Variants in LPP observed in about 807,000 individuals in gnomAD.
The protein encoded by LPP is lipoma-preferred partner.
A neutral mutation model predicts 60.4 loss-of-function variants in LPP; 38 were observed. That is an observed-to-expected ratio of 0.63 (90% CI 0.49 to 0.83). LPP has a LOEUF of 0.83. Among genes scored for constraint, LPP ranks in the 40% least tolerant of loss-of-function variants. The pLI, the probability that LPP is intolerant of heterozygous loss-of-function variation, is 0.00. For missense variants in LPP, 902 were observed against 783.6 expected (o/e 1.15, Z -1.80); for synonymous variants, 328 against 290.8 (o/e 1.13, Z -1.30).
At chr3:188,252,151 A>T (rs1729988851) in intron 2 of LPP, among the ~76,000 whole-genome samples, 1 of 116,046 alleles carries the variant, frequency 8.6e-6, no homozygotes, top group African/African-American at 3.1e-5. Flanking sequence ...AAAACCTGTA[A>T]TGCCCCTTCT....
At chr3:188,248,276 G>T (rs1380183160) in intron 2 of LPP, among the ~76,000 whole-genome samples, 1 of 151,592 alleles carries the variant, frequency 6.6e-6, no homozygotes, top group Non-Finnish European at 1.5e-5. Flanking sequence ...GCGTTTTTTT[G>T]CATTGGGACC....
chr3:188,547,821 G>T (rs1827067711), intron 6 of LPP, among the ~76,000 whole-genome samples: 1 of 152,140 alleles, frequency 6.6e-6, no homozygotes, highest in African/African-American at 2.4e-5. Context: ...GAAGTGTGAT[G>T]TATAAAATGG....
chr3:188,725,086 T>C (rs1044902648), intron 8 of LPP, among the ~76,000 whole-genome samples: 1 of 152,246 alleles, frequency 6.6e-6, no homozygotes, highest in African/African-American at 2.4e-5. Flanking sequence ...ATTAACTGAT[T>C]CTTCGACTTA....
At chr3:188,180,634 A>G (rs1012814192) in intron 1 of LPP, 3 of 154,294 alleles carry the variant, frequency 1.9e-5, no homozygotes, top group African/African-American at 4.8e-5. Context: ...ATAAATCACT[A>G]TTTAGACACA....
chr3:188,278,249 A>T (rs924344603), intron 2 of LPP, among the ~76,000 whole-genome samples: 3 of 152,218 alleles, frequency 2.0e-5, no homozygotes, highest in Non-Finnish European at 4.4e-5. Flanking sequence ...TTGTAATGGC[A>T]GGGTCAGACT....
At chr3:188,484,475 C>G in intron 4 of LPP, 117 bp from the exon 5 acceptor site, 1 of 681,178 alleles carries the variant, frequency 1.5e-6, no homozygotes, top group East Asian at 2.5e-5. Context: ...AATTGCTATA[C>G]AACACAAAAT....
intron 9 of LPP, among the ~76,000 whole-genome samples, chr3:188,828,188 C>T (rs1756094898): frequency 6.6e-6 from 1 of 151,778 alleles, no homozygotes; most frequent in African/African-American, 2.4e-5. Flanking sequence ...AAATAATTGG[C>T]AAATTATATA....
intron 2 of LPP, among the ~76,000 whole-genome samples, chr3:188,287,157 T>TC: frequency 6.6e-6 from 1 of 152,338 alleles, no homozygotes; most frequent in East Asian, 1.9e-4. Flanking sequence ...CACCTCGGCT[T>TC]CCCGAAGTGC....
intron 4 of LPP, among the ~76,000 whole-genome samples, chr3:188,422,913 T>TTGTGTGTGTGTGTGTGTGTGTG (rs10689970): frequency 7.5e-6 from 1 of 133,806 alleles, no homozygotes; most frequent in East Asian, 2.2e-4. Flanking sequence ...GGTGTCTTCT[T>TTGTGTGTGTGTGTGTGTGTGTG]TGTGTGTGTG....
At position 188,269,645 on chromosome 3, in the gene LPP, A is replaced by ATATGTGTGTGTGTGTG. The variant is rs748506984; in HGVS notation, c.-67+44119_-67+44120insATGTGTGTGTGTGTGT. Among the ~76,000 whole-genome samples the ATATGTGTGTGTGTGTG allele has an allele frequency of 6.0e-3, 813 of 136,492 alleles. 10 individuals carry two copies. Among genetic ancestry groups the ATATGTGTGTGTGTGTG allele is most frequent in the Non-Finnish European group, 8.6e-3 (556 of 64,568 alleles). 89.5% of individuals were successfully genotyped at this position (136,492 alleles called of 152,430 possible). A position where few individuals can be genotyped will look rare whatever the true frequency, so the allele number is the denominator to read the frequency against. On this transcript the variant is annotated intron_variant, in intron 2 of 11. Coordinates refer to ENST00000617246, the MANE Select transcript of LPP (RefSeq NM_001375462.1). Reference sequence around the variant, plus strand: ...GCTAGCTGGTTGTGCCTTTTTTTTTATGTGTGTGTGTGTGTGTGTGTGTGT... The same window carrying ATATGTGTGTGTGTGTG: ...GCTAGCTGGTTGTGCCTTTTTTTTTATATGTGTGTGTGTGTGTGTGTGTGTGTGTGTGTGTGTGTGT...
intron 7 of LPP, among the ~76,000 whole-genome samples, chr3:188,645,530 G>A (rs1850949029): frequency 6.6e-6 from 1 of 152,122 alleles, no homozygotes; most frequent in Non-Finnish European, 1.5e-5. Flanking sequence ...GTGAGGTGTG[G>A]TCTCGTGCAT....
chr3:188,180,734 A>G (rs1724703829), intron 1 of LPP: 1 of 151,742 alleles, frequency 6.6e-6, no homozygotes, highest in African/African-American at 2.4e-5. Flanking sequence ...ATATTACTAT[A>G]TAAACATTTT....
chr3:188,862,810 G>T (rs1303962524), intron 9 of LPP, among the ~76,000 whole-genome samples: 1 of 151,272 alleles, frequency 6.6e-6, no homozygotes, highest in African/African-American at 2.4e-5. Context: ...AGAAAAAAGT[G>T]ATTTGAATAG....
intron 6 of LPP, among the ~76,000 whole-genome samples, chr3:188,607,410 TATATATAA>T (rs1268329850): frequency 0.11 from 5,096 of 44,854 alleles, 318 homozygotes; most frequent in Non-Finnish European, 0.17. Context: ...TATATATATA[TATATATAA>T]TTTTTTTTTC....
chr3:188,308,896 A>ACTCCTT (rs1252497335), intron 2 of LPP, among the ~76,000 whole-genome samples: 1 of 76,158 alleles, frequency 1.3e-5, no homozygotes, highest in African/African-American at 5.3e-5. Context: ...TCCTTCTCCT[A>ACTCCTT]CTCCTTCTCC....
intron 7 of LPP, among the ~76,000 whole-genome samples, chr3:188,635,373 GT>G (rs1484360055): frequency 6.6e-6 from 1 of 152,172 alleles, no homozygotes; most frequent in Non-Finnish European, 1.5e-5. Context: ...CCTTTGAACT[GT>G]GGGGCATAAA....
chr3:188,577,737 C>CTTTG (rs1317964639), intron 6 of LPP, among the ~76,000 whole-genome samples: 182 of 127,220 alleles, frequency 1.4e-3, no homozygotes, highest in African/African-American at 4.6e-3. Context: ...GGTTTCCTTC[C>CTTTG]TTCCTTTGTT....
At chr3:188,832,706 C>T (rs1287888916) in intron 9 of LPP, among the ~76,000 whole-genome samples, 1 of 152,216 alleles carries the variant, frequency 6.6e-6, no homozygotes, top group African/African-American at 2.4e-5. Flanking sequence ...GGTTCTGCTT[C>T]ACCATCTTCA....
chr3:188,510,431 C>T (rs1296068631), intron 5 of LPP, among the ~76,000 whole-genome samples: 1 of 152,152 alleles, frequency 6.6e-6, no homozygotes, highest in African/African-American at 2.4e-5. Context: ...CAATGGCAAC[C>T]TTTTTCCTAA....
Sources: allele counts gnomAD v4.1 joint callset (sites outside exome capture counted in the v4.1 genomes callset), GRCh38; gene constraint gnomAD v4.1.1; transcripts MANE v1.5; gene names NCBI Gene and HGNC (gene_info 2026-07-23, HGNC 2026-07-21).